The following MDFIC variants were observed in gnomAD, a reference collection of about 807,000 sequenced individuals.
The protein encoded by MDFIC is MyoD family inhibitor domain containing.
A neutral mutation model predicts 23.2 loss-of-function variants in MDFIC; 17 were observed. That is an observed-to-expected ratio of 0.73 (90% confidence interval 0.50 to 1.10). The LOEUF is 1.10. MDFIC is among the 50% of genes least tolerant of loss of function. The pLI, the probability that MDFIC is intolerant of heterozygous loss-of-function variation, is 0.00. For missense variants in MDFIC, 356 were observed against 316.6 expected (o/e 1.12, Z -0.95); for synonymous variants, 120 against 115.2 (o/e 1.04, Z -0.27).
intron 3 of MDFIC, among the ~76,000 whole-genome samples, chr7:114,965,720 A>C (rs896978237): frequency 6.6e-6 from 1 of 152,216 alleles, no homozygotes; most frequent in Non-Finnish European, 1.5e-5. Flanking sequence ...TCTATTAACT[A>C]GCACAGAGTC....
In MDFIC at chr7:114,992,010, T is replaced by C. The variant is rs188183534; in HGVS notation, c.493+12229T>C. Among the ~76,000 whole-genome samples the C allele has an allele frequency of 5.3e-5, 8 of 152,352 alleles. No individual in the cohort carries two copies. The East Asian group carries it at 1.5e-3, about 29-fold the overall frequency. On this transcript the variant is annotated intron_variant, in intron 4 of 4. Transcript: ENST00000393486. ...TGAAATGTTCTTCCATTTGTTTGTG[T>C]CCTCTTTTATTTCGTTGAGCAGTGG...
chr7:114,967,048 G>T (rs1165469201), intron 3 of MDFIC, among the ~76,000 whole-genome samples: 1 of 151,808 alleles, frequency 6.6e-6, no homozygotes, highest in Non-Finnish European at 1.5e-5. Flanking sequence ...TAAATTTCTG[G>T]GTGTTATATA....
intron 4 of MDFIC, among the ~76,000 whole-genome samples, chr7:115,007,758 C>T (rs570352762): frequency 2.0e-5 from 3 of 149,824 alleles, no homozygotes; most frequent in South Asian, 4.2e-4. Context: ...ACTATAGCCT[C>T]GACCTTCTGG....
chr7:114,979,802 GATTTT>G, intron 4 of MDFIC, 21 bp downstream of exon 4: 2 of 1,604,784 alleles, frequency 1.2e-6, no homozygotes, highest in Non-Finnish European at 1.7e-6. Flanking sequence ...GATATATGTA[GATTTT>G]ATTTGACCAG....
At chr7:114,974,301 A>G (rs1049659318) in intron 3 of MDFIC, among the ~76,000 whole-genome samples, 4 of 150,038 alleles carry the variant, frequency 2.7e-5, no homozygotes, top group African/African-American at 9.7e-5. Flanking sequence ...TGCATATTAT[A>G]TATATATATA....
At chr7:115,007,621 CGT>C (rs1415340567) in intron 4 of MDFIC, among the ~76,000 whole-genome samples, 1 of 74,746 alleles carries the variant, frequency 1.3e-5, no homozygotes, top group Admixed American at 1.9e-4. Context: ...ATCTAGTGTG[CGT>C]GTGTGTGTAT....
At chr7:114,933,300 G>T (rs1312215820) in intron 2 of MDFIC, among the ~76,000 whole-genome samples, 3 of 136,318 alleles carry the variant, frequency 2.2e-5, no homozygotes, top group African/African-American at 8.3e-5. Flanking sequence ...ACTCTGTCAT[G>T]CAGGCTGGAG....
intron 2 of MDFIC, among the ~76,000 whole-genome samples, chr7:114,938,303 T>A (rs924531587): frequency 3.3e-5 from 5 of 152,210 alleles, no homozygotes; most frequent in African/African-American, 1.2e-4. Flanking sequence ...CAGAAATAAA[T>A]ACCTCTATAT....
intron 4 of MDFIC, among the ~76,000 whole-genome samples, chr7:114,997,697 A>G (rs1055920620): frequency 2.0e-5 from 3 of 151,230 alleles, no homozygotes; most frequent in Non-Finnish European, 4.4e-5. Context: ...GTGGTGAGCT[A>G]TGGTTGTGCC....
rs1791856278 is a variant in MDFIC, at chr7:115,019,245, C to T, written c.*3310C>T. On this transcript the variant is annotated 3_prime_UTR_variant, in exon 5 of 5. Coordinates refer to ENST00000393486, the MANE Select transcript of MDFIC (RefSeq NM_001166345.3). ...GTGGCGAAATTTTTGTAAATGCTCG[C>T]AGTTAGCATCTAACTAAAACAATAC... 1 of 151,940 alleles carries T rather than the reference C, an allele frequency of 6.6e-6. No individual in the cohort carries two copies. The highest frequency in any genetic ancestry group is 1.5e-5 in the Non-Finnish European group (1 of 67,912). The allele number at this position is 151,940 out of a possible 1,614,324, so 9.4% of individuals were successfully genotyped here.
chr7:114,953,334 A>G (rs1792817012), intron 3 of MDFIC, among the ~76,000 whole-genome samples: 1 of 152,224 alleles, frequency 6.6e-6, no homozygotes, highest in African/African-American at 2.4e-5. Context: ...ATATATCATA[A>G]AAATCTTTTT....
At chr7:114,962,597 A>T (rs1231479100) in intron 3 of MDFIC, among the ~76,000 whole-genome samples, 1 of 152,178 alleles carries the variant, frequency 6.6e-6, no homozygotes, top group Non-Finnish European at 1.5e-5. Flanking sequence ...GAATCTCTGG[A>T]GGAGGAGTCT....
chr7:114,928,056 G>T (rs1046225998), intron 2 of MDFIC, among the ~76,000 whole-genome samples: 1 of 152,146 alleles, frequency 6.6e-6, no homozygotes, highest in African/African-American at 2.4e-5. Flanking sequence ...TTTAGAAAAT[G>T]AATCTTAGAA....
chr7:114,985,551 T>C (rs1026966869), intron 4 of MDFIC, among the ~76,000 whole-genome samples: 15 of 152,186 alleles, frequency 9.9e-5, no homozygotes, highest in African/African-American at 3.4e-4. Flanking sequence ...ACATGTGTCA[T>C]GGGGGTTTGT....
Position 114,959,922 on chromosome 7 carries a change from A to G in MDFIC, c.217+17525A>G, listed in dbSNP as rs192704133. ...GTACCTTTCTCGTCAGCCACTTCCT[A>G]TTTAATAGGAGTGAGGTGCTTAGTT... On this transcript the variant is annotated intron_variant, in intron 3 of 4. Coordinates refer to ENST00000393486, the MANE Select transcript of MDFIC (RefSeq NM_001166345.3). Among the ~76,000 whole-genome samples the G allele has an allele frequency of 2.8e-4, 43 of 152,110 alleles. 1 individual carries two copies. The highest frequency in any genetic ancestry group is 2.8e-3 in the Admixed American group (42 of 15,266).
intron 2 of MDFIC, 138 bp downstream of exon 2, chr7:114,923,265 G>C (rs534185069): frequency 5.9e-5 from 76 of 1,285,160 alleles, no homozygotes; most frequent in Non-Finnish European, 8.0e-5. Flanking sequence ...TGCACAGTTC[G>C]CGTTACTCAG....
chr7:114,954,222 C>T (rs1465031431), intron 3 of MDFIC, among the ~76,000 whole-genome samples: 1 of 152,212 alleles, frequency 6.6e-6, no homozygotes, highest in Non-Finnish European at 1.5e-5. Flanking sequence ...TTCACATTCT[C>T]ATTTCTCCCT....
At chr7:114,946,651 A>G (rs977429684) in intron 3 of MDFIC, among the ~76,000 whole-genome samples, 4 of 152,142 alleles carry the variant, frequency 2.6e-5, no homozygotes, top group African/African-American at 9.7e-5. Context: ...TATTTAACCC[A>G]TTTATTCATT....
intron 3 of MDFIC, among the ~76,000 whole-genome samples, chr7:114,946,239 T>C (rs1792642755): frequency 6.6e-6 from 1 of 151,926 alleles, no homozygotes; most frequent in African/African-American, 2.4e-5. Flanking sequence ...TGTGTGTGTG[T>C]GTGTGTGTGT....
Sources: gnomAD v4.1 joint callset for allele counts (sites outside exome capture counted in the v4.1 genomes callset) on GRCh38, gnomAD v4.1.1 for gene constraint, MANE v1.5 for transcripts, NCBI Gene and HGNC (gene_info 2026-07-23, HGNC 2026-07-21) for gene names.